Variants in PTPN18 observed in about 807,000 individuals in gnomAD.
The protein encoded by PTPN18 is protein tyrosine phosphatase non-receptor type 18.
A neutral mutation model predicts 65.4 loss-of-function variants in PTPN18; 65 were observed. That is an observed-to-expected ratio of 0.99 (90% CI 0.81 to 1.22). PTPN18 has a LOEUF of 1.22. Among genes scored for constraint, PTPN18 ranks in the 50% most tolerant of loss-of-function variants. The pLI, the probability that PTPN18 is intolerant of heterozygous loss-of-function variation, is 0.00. For missense variants in PTPN18, 616 were observed against 646.5 expected (o/e 0.95, Z 0.51); for synonymous variants, 255 against 267.8 (o/e 0.95, Z 0.47).
chr2:130,361,175 T>A (rs2104929743), intron 5 of PTPN18, among the ~76,000 whole-genome samples: 1 of 152,330 alleles, frequency 6.6e-6, no homozygotes, highest in South Asian at 2.1e-4. Context: ...AATGTATGGA[T>A]TGCTTAGAGA....
At chr2:130,371,311 C>T (rs746177747) in intron 12 of PTPN18, 24 bp downstream of exon 12, 1 of 1,525,690 alleles carries the variant, frequency 6.6e-7, no homozygotes. Context: ...TCCCCGGATT[C>T]TTCCCTGCCC....
chr2:130,371,013 A>C, intron 11 of PTPN18, 49 bp downstream of exon 11: 1 of 1,580,722 alleles, frequency 6.3e-7, no homozygotes, highest in African/African-American at 1.4e-5. Flanking sequence ...GCACCCTCAG[A>C]GACCAGGACC....
Position 130,373,488 on chromosome 2 carries a change from A to C in PTPN18, c.*264A>C. On this transcript the variant is annotated 3_prime_UTR_variant, in exon 15 of 15. Transcript: ENST00000175756. The surrounding 1 kb of genome is among the most constrained non-coding windows in gnomAD (Gnocchi z 4.1). Reference sequence around the variant, plus strand: ...CAGGAAGGGGCATGACCCCTGAGTTATGAAGGGGAGAAGGGACAGATGAGC... The same window carrying C: ...CAGGAAGGGGCATGACCCCTGAGTTCTGAAGGGGAGAAGGGACAGATGAGC... 2.8e-6 allele frequency: 1 copy of C among 357,786 alleles called. No homozygotes were observed. Among genetic ancestry groups the C allele is most frequent in the Non-Finnish European group, 5.1e-6 (1 of 197,826 alleles). 22.2% of individuals were successfully genotyped at this position (357,786 alleles called of 1,614,324 possible).
chr2:130,366,390 T>A (rs911373311), intron 5 of PTPN18, among the ~76,000 whole-genome samples: 3 of 152,248 alleles, frequency 2.0e-5, no homozygotes, highest in African/African-American at 7.2e-5. Context: ...TCTATTCAGA[T>A]GATCGTGTGT....
In PTPN18 at chr2:130,372,419, G is replaced by A. The variant is rs1680600068; in HGVS notation, c.1176G>A (p.Val392=). Residue 392 remains valine (V), a synonymous_variant, in exon 13 of 15, where the codon GTG becomes GTA. Coordinates refer to ENST00000175756, the MANE Select transcript of PTPN18 (RefSeq NM_014369.4). ...SAEEAPLYSK[V]TPRAQRPGAH... ...AGGAGGCGCCGCTCTACAGCAAGGT[G>A]ACGCCGCGCGCCCAGCGACCCGGGG... 3 of 1,367,392 alleles carry A rather than the reference G, an allele frequency of 2.2e-6. No individual in the cohort carries two copies. Among genetic ancestry groups the A allele is most frequent in the African/African-American group, 3.1e-5 (2 of 65,046 alleles). The allele number at this position is 1,367,392 out of a possible 1,614,324, so 84.7% of individuals were successfully genotyped here. A position where few individuals can be genotyped will look rare whatever the true frequency, so the allele number is the denominator to read the frequency against.
chr2:130,360,371 C>T (rs531641294), intron 5 of PTPN18, among the ~76,000 whole-genome samples: 1 of 152,346 alleles, frequency 6.6e-6, no homozygotes, highest in South Asian at 2.1e-4. Flanking sequence ...GCTGAAGGCA[C>T]ATAGCTTCAT....
rs1468014043 is a variant in PTPN18 at position 130,374,641 on chromosome 2, AG to A, written c.*1420del. On this transcript the variant is annotated 3_prime_UTR_variant, in exon 15 of 15. Coordinates refer to ENST00000175756, the MANE Select transcript of PTPN18 (RefSeq NM_014369.4). ...TAAGATGCTCTTTCCCTGAACCTCA[AG>A]GGTCCCGCCCCTCTCACTTTCAGGT... 1.1e-5 allele frequency: 5 copies of A among 471,298 alleles called. No individual in the cohort carries two copies. Among genetic ancestry groups the A allele is most frequent in the Middle Eastern group, 3.2e-4 (1 of 3,100 alleles). 29.2% of individuals were successfully genotyped at this position (471,298 alleles called of 1,614,324 possible).
intron 5 of PTPN18, among the ~76,000 whole-genome samples, chr2:130,364,539 G>A (rs569194374): frequency 2.6e-5 from 4 of 152,378 alleles, no homozygotes; most frequent in African/African-American, 9.6e-5. Context: ...GCTCACGCCT[G>A]TAATCCCAGC....
chr2:130,370,817 G>A, intron 10 of PTPN18, 35 bp downstream of exon 10: 1 of 1,611,916 alleles, frequency 6.2e-7, no homozygotes, highest in South Asian at 1.1e-5. Context: ...CAGGGACAGT[G>A]GCCCACTGCT....
chr2:130,372,895 C>T lies in PTPN18; in HGVS notation c.1263C>T (p.Ala421=), dbSNP rs1680626411. 1.2e-6 allele frequency: 2 copies of T among 1,614,082 alleles called. No individual in the cohort carries two copies. Among genetic ancestry groups the T allele is most frequent in the East Asian group, 2.2e-5 (1 of 44,888 alleles). ...CAGTTCCTGCTGACCAAAGTCCTGC[C>T]GGATCTGGCGCCTACGAGGACGTGG... The part of the protein sequence containing the change: ...PGRVPADQSP[A]GSGAYEDVAG... Residue 421 remains alanine (A), a synonymous_variant, in exon 14 of 15, where the codon GCC becomes GCT. Coordinates refer to ENST00000175756, the MANE Select transcript of PTPN18 (RefSeq NM_014369.4).
In PTPN18 at chr2:130,372,342, G is replaced by A. The variant is rs984868414; in HGVS notation, c.1099G>A (p.Gly367Arg). The A allele has an allele frequency of 2.1e-6, 3 of 1,409,322 alleles. No individual in the cohort carries two copies. The highest frequency in any genetic ancestry group is 2.7e-6 in the Non-Finnish European group (3 of 1,091,284). The allele number at this position is 1,409,322 out of a possible 1,614,324, so 87.3% of individuals were successfully genotyped here. Residue 367 changes from glycine to arginine, a missense_variant, in exon 13 of 15, where the codon GGG becomes AGG. Transcript: ENST00000175756. ...VQKRGAPAGA[G>R]SGTQTGTGTG... ...GAAGCGCGGGGCTCCAGCGGGCGCC[G>A]GGAGTGGGACGCAGACGGGGACGGG...
chr2:130,362,656 A>G (rs1322754325), intron 5 of PTPN18, among the ~76,000 whole-genome samples: 1 of 152,124 alleles, frequency 6.6e-6, no homozygotes, highest in Non-Finnish European at 1.5e-5. Context: ...TTATAGTTCT[A>G]TATATAAAAT....
chr2:130,372,755 C>G, intron 13 of PTPN18, 118 bp from the exon 14 acceptor site: 2 of 1,275,696 alleles, frequency 1.6e-6, no homozygotes, highest in South Asian at 2.6e-5. Context: ...TGCCTTCTCC[C>G]GCCCGGCGCC....
chr2:130,370,311 C>A (rs1364513454), intron 8 of PTPN18, 121 bp downstream of exon 8: 20 of 1,416,362 alleles, frequency 1.4e-5, no homozygotes, highest in Non-Finnish European at 1.9e-5. Flanking sequence ...CTTGCTCACC[C>A]TCCATGGACT....
intron 5 of PTPN18, among the ~76,000 whole-genome samples, chr2:130,368,746 C>G (rs1219921977): frequency 6.6e-6 from 1 of 152,220 alleles, no homozygotes; most frequent in African/African-American, 2.4e-5. Flanking sequence ...TCTGGCTCAA[C>G]TCAGTGGGAT....
chr2:130,372,853 G>C lies in PTPN18; in HGVS notation c.1241-20G>C, dbSNP rs368876150. 19 of 1,611,586 alleles carry C rather than the reference G, an allele frequency of 1.2e-5. 1 individual carries two copies. In the South Asian group the frequency reaches 1.4e-4, roughly 12 times the overall value. On this transcript the variant is annotated intron_variant, in intron 13 of 14. Transcript: ENST00000175756. ...CCTGGGGCTTCCGGAGCTGACCCGT[G>C]GGGGGTCTGCTGCCCTCAGTTCCTG...
chr2:130,356,096 G>A lies in PTPN18; in HGVS notation c.-12G>A. ...GCGGCGGCCGGGCTGGACCTTGCTGGCCCGCGGCGCCATGAGCCGCAGCCT... is the reference window on the plus strand; with the variant it reads ...GCGGCGGCCGGGCTGGACCTTGCTGACCCGCGGCGCCATGAGCCGCAGCCT... On this transcript the variant is annotated 5_prime_UTR_variant, in exon 1 of 15. Transcript: ENST00000175756. The A allele has an allele frequency of 7.7e-7, 1 of 1,290,776 alleles. No individual in the cohort carries two copies. 80.0% of individuals were successfully genotyped at this position (1,290,776 alleles called of 1,614,324 possible). A position where few individuals can be genotyped will look rare whatever the true frequency, so the allele number is the denominator to read the frequency against.
chr2:130,361,574 TCCTTTCTTTC>T, intron 5 of PTPN18, among the ~76,000 whole-genome samples: 1 of 134,234 alleles, frequency 7.4e-6, no homozygotes, highest in African/African-American at 3.8e-5. Flanking sequence ...TTCCTTTCTT[TCCTTTCTTTC>T]CTTTCTTTCT....
chr2:130,358,807 T>C, intron 1 of PTPN18, 60 bp from the exon 2 acceptor site: 2 of 1,463,174 alleles, frequency 1.4e-6, no homozygotes, highest in Non-Finnish European at 1.9e-6. Flanking sequence ...GGCCTGGGAC[T>C]CTGACCTGGC....
Sources: allele counts gnomAD v4.1 joint callset (sites outside exome capture counted in the v4.1 genomes callset), GRCh38; gene constraint gnomAD v4.1.1; non-coding constraint Gnocchi (gnomAD v3.1); transcripts MANE v1.5; gene names NCBI Gene and HGNC (gene_info 2026-07-23, HGNC 2026-07-21).